GRIN2A: variants seen among roughly 807,000 people sequenced by gnomAD.
GRIN2A encodes glutamate receptor ionotropic, NMDA 2A.
A neutral mutation model predicts 113.4 loss-of-function variants in GRIN2A; 22 were observed. The observed-to-expected ratio is 0.19, with a 90% CI of 0.14 to 0.28. The LOEUF is 0.28. GRIN2A is among the 10% of genes least tolerant of loss of function. The pLI, the probability that GRIN2A is intolerant of heterozygous loss-of-function variation, is 1.00. For synonymous variants in GRIN2A, 827 were observed against 738.4 expected, an observed-to-expected ratio of 1.12 and a Z score of -1.94; for missense variants, 1,502 against 1,887.0, an observed-to-expected ratio of 0.80 and a Z score of 3.78.
At chr16:9,935,087 G>C (rs1350767014) in intron 3 of GRIN2A, among the ~76,000 whole-genome samples, 1 of 152,128 alleles carries the variant, frequency 6.6e-6, no homozygotes, top group African/African-American at 2.4e-5. Flanking sequence ...ATCCAGGGTG[G>C]TCACTGGAAA....
At chr16:9,815,537 A>G (rs931709311) in intron 10 of GRIN2A, among the ~76,000 whole-genome samples, 2 of 152,130 alleles carry the variant, frequency 1.3e-5, no homozygotes, top group African/African-American at 4.8e-5. Context: ...GCTCGATACC[A>G]CTAATCATTA....
chr16:10,150,970 A>G (rs1038672187), intron 2 of GRIN2A, among the ~76,000 whole-genome samples: 2 of 152,192 alleles, frequency 1.3e-5, no homozygotes, highest in South Asian at 4.1e-4. Context: ...GTTGAATATC[A>G]TGCATGTTGA....
intron 2 of GRIN2A, among the ~76,000 whole-genome samples, chr16:10,079,948 T>C (rs568153052): frequency 4.6e-5 from 7 of 152,338 alleles, no homozygotes; most frequent in African/African-American, 1.7e-4. Flanking sequence ...GAGCACTTTG[T>C]ATGAGAATGA....
At chr16:10,047,334 G>A (rs868396240) in intron 2 of GRIN2A, among the ~76,000 whole-genome samples, 1 of 152,130 alleles carries the variant, frequency 6.6e-6, no homozygotes, top group African/African-American at 2.4e-5. Flanking sequence ...CCAGAAAATC[G>A]GGGTGATAAA....
chr16:9,943,810 A>T (rs1217227940), intron 2 of GRIN2A, among the ~76,000 whole-genome samples: 1 of 152,224 alleles, frequency 6.6e-6, no homozygotes, highest in Non-Finnish European at 1.5e-5. Context: ...GAGTTATCAA[A>T]GAATAACCTA....
At chr16:10,128,072 G>GGAA (rs2048983123) in intron 2 of GRIN2A, among the ~76,000 whole-genome samples, 1 of 152,176 alleles carries the variant, frequency 6.6e-6, no homozygotes, top group South Asian at 2.1e-4. Flanking sequence ...AAGGCTCAGT[G>GGAA]AGCTTCCCTT....
chr16:10,035,252 C>G (rs2047003256), intron 2 of GRIN2A, among the ~76,000 whole-genome samples: 1 of 152,084 alleles, frequency 6.6e-6, no homozygotes, highest in South Asian at 2.1e-4. Flanking sequence ...TCTTAAATGT[C>G]AAGACTCAAG....
intron 2 of GRIN2A, among the ~76,000 whole-genome samples, chr16:10,047,248 A>C (rs2047277214): frequency 6.6e-6 from 1 of 152,212 alleles, no homozygotes; most frequent in African/African-American, 2.4e-5. Context: ...CACAACCATT[A>C]TTTGGTAGCA....
intron 4 of GRIN2A, among the ~76,000 whole-genome samples, chr16:9,866,448 G>A (rs1478439547): frequency 6.6e-6 from 1 of 152,094 alleles, no homozygotes; most frequent in Non-Finnish European, 1.5e-5. Context: ...AATATATAAA[G>A]GAGAAGAGAG....
At chr16:9,926,064 G>C (rs1425205105) in intron 3 of GRIN2A, among the ~76,000 whole-genome samples, 2 of 152,118 alleles carry the variant, frequency 1.3e-5, no homozygotes, top group African/African-American at 4.8e-5. Context: ...CCCCACCAGA[G>C]CAAATATTTT....
intron 2 of GRIN2A, among the ~76,000 whole-genome samples, chr16:10,083,544 C>G (rs76241812): frequency 6.6e-6 from 1 of 152,098 alleles, no homozygotes; most frequent in African/African-American, 2.4e-5. Flanking sequence ...CCTGACCTCT[C>G]TCTACCCTCT....
chr16:9,771,963 T>C (rs557491102), intron 11 of GRIN2A, among the ~76,000 whole-genome samples: 1 of 152,258 alleles, frequency 6.6e-6, no homozygotes, highest in South Asian at 2.1e-4. Context: ...GTTTTCTTTT[T>C]ACAGACTAAG....
In GRIN2A at chr16:9,972,297, C is replaced by T. The variant is rs544736659; in HGVS notation, c.415-33746G>A. Among the ~76,000 whole-genome samples, 10 of 152,138 alleles carry T rather than the reference C, an allele frequency of 6.6e-5. No homozygotes were observed. In the South Asian group the frequency reaches 2.1e-3, roughly 32 times the overall value. ...TGAATACTCTTTAAGGAAATATAAC[C>T]CACAATATAGCATTCACAAAGTGCT... is the stretch of plus-strand genomic sequence containing the variant. On this transcript the variant is annotated intron_variant, in intron 2 of 12. Coordinates refer to ENST00000330684, the MANE Select transcript of GRIN2A (RefSeq NM_001134407.3).
intron 2 of GRIN2A, among the ~76,000 whole-genome samples, chr16:10,110,782 G>C (rs1177473248): frequency 6.6e-6 from 1 of 152,200 alleles, no homozygotes. Flanking sequence ...GATGATGTCA[G>C]TGGCCTTAGA....
intron 3 of GRIN2A, among the ~76,000 whole-genome samples, chr16:9,935,186 C>T (rs1219164320): frequency 2.0e-5 from 3 of 152,080 alleles, no homozygotes; most frequent in Admixed American, 2.0e-4. Context: ...ATTTATGTTT[C>T]CATCAAAATT....
At chr16:10,123,633 T>G (rs1052171517) in intron 2 of GRIN2A, among the ~76,000 whole-genome samples, 1 of 152,182 alleles carries the variant, frequency 6.6e-6, no homozygotes, top group African/African-American at 2.4e-5. Flanking sequence ...AAGAGGCAGA[T>G]TCTAGCTCGG....
chr16:10,042,434 C>G (rs76908557), intron 2 of GRIN2A, among the ~76,000 whole-genome samples: 1 of 152,018 alleles, frequency 6.6e-6, no homozygotes, highest in Non-Finnish European at 1.5e-5. Flanking sequence ...CCAGCAGCCT[C>G]GGAAACAAGC....
At position 9,755,467 on chromosome 16, in the gene GRIN2A, A is replaced by G; in HGVS notation, c.*7682T>C. On this transcript the variant is annotated 3_prime_UTR_variant, in exon 13 of 13. Coordinates refer to ENST00000330684, the MANE Select transcript of GRIN2A (RefSeq NM_001134407.3). The stretch of plus-strand genomic sequence containing the variant: ...TACTGCCAGCTTGAAAGATGAAAAC[A>G]GCTGAGAAATTTTTCTCATAGACTA... 5.5e-6 allele frequency: 1 copy of G among 183,006 alleles called. No homozygotes were observed. The highest frequency in any genetic ancestry group is 1.2e-5 in the Non-Finnish European group (1 of 85,856). The allele number at this position is 183,006 out of a possible 1,614,324, so 11.3% of individuals were successfully genotyped here.
At chr16:9,868,980 G>T (rs1005219875) in intron 4 of GRIN2A, among the ~76,000 whole-genome samples, 1 of 152,146 alleles carries the variant, frequency 6.6e-6, no homozygotes, top group African/African-American at 2.4e-5. Context: ...AACTGGGCAG[G>T]TAGCCTCTCC....
Sources: gnomAD v4.1 joint callset for allele counts (sites outside exome capture counted in the v4.1 genomes callset) on GRCh38, gnomAD v4.1.1 for gene constraint, MANE v1.5 for transcripts, NCBI Gene and HGNC (gene_info 2026-07-23, HGNC 2026-07-21) for gene names.